The following PCCA variants were observed in gnomAD, a reference collection of about 807,000 sequenced individuals.
The protein encoded by PCCA is propionyl-CoA carboxylase alpha chain, mitochondrial.
Under a neutral mutation model 101.3 loss-of-function variants are expected in PCCA, and 74 were observed. The ratio of observed to expected loss-of-function variants is 0.73; its 90% CI spans 0.61 to 0.89. PCCA has a LOEUF of 0.89. Ranked by LOEUF, PCCA falls within the 40% of genes least tolerant of loss-of-function variation. The pLI, the probability that PCCA is intolerant of heterozygous loss-of-function variation, is 0.00. For synonymous variants in PCCA, 294 were observed against 313.6 expected (o/e 0.94, Z 0.66); for missense variants, 891 against 907.0 (o/e 0.98, Z 0.23).
intron 4 of PCCA, among the ~76,000 whole-genome samples, chr13:100,126,071 AT>A (rs1442244193): frequency 6.6e-6 from 1 of 152,204 alleles, no homozygotes; most frequent in African/African-American, 2.4e-5. Context: ...ATCAAGAAGT[AT>A]GTTAAATGGC....
chr13:100,313,972 A>G lies in PCCA; in HGVS notation c.1429+4064A>G, dbSNP rs78716758. Among the ~76,000 whole-genome samples the G allele has an allele frequency of 5.9e-3, 894 of 152,192 alleles. 11 individuals are homozygous for G. Among genetic ancestry groups the G allele is most frequent in the African/African-American group, 0.013 (534 of 41,528 alleles). ...GTTTTTTAATCCCATCTGTGGCCCA[A>G]AGTTACACAGTGTCTTTGATTATGT... On this transcript the variant is annotated intron_variant, in intron 16 of 23. Transcript: ENST00000376285.
chr13:100,467,096 C>T (rs1467981507), intron 21 of PCCA, among the ~76,000 whole-genome samples: 2 of 152,112 alleles, frequency 1.3e-5, no homozygotes, highest in East Asian at 1.9e-4. Flanking sequence ...TGCAGTAACA[C>T]GGACAGGAAG....
intron 18 of PCCA, among the ~76,000 whole-genome samples, chr13:100,346,491 A>C (rs1369162326): frequency 6.6e-6 from 1 of 152,214 alleles, no homozygotes; most frequent in Non-Finnish European, 1.5e-5. Context: ...TGAGCAAAGA[A>C]ATTTTGCTTA....
rs142227028 is a variant in PCCA, at chr13:100,378,919, T to C, written c.1746+10345T>C. 2.7e-3 allele frequency among the ~76,000 whole-genome samples: 418 copies of C among 152,308 alleles called. 2 individuals carry two copies. Among genetic ancestry groups the C allele is most frequent in the African/African-American group, 9.7e-3 (402 of 41,562 alleles). On this transcript the variant is annotated intron_variant, in intron 19 of 23. Transcript: ENST00000376285. ...AAAATTTTTAGTTATTTTTCTGGAATGTGAATTTCTTTTGGATGGGATCTG... is the reference window on the plus strand; with the variant it reads ...AAAATTTTTAGTTATTTTTCTGGAACGTGAATTTCTTTTGGATGGGATCTG...
chr13:100,213,846 G>A (rs1472749966), intron 7 of PCCA, among the ~76,000 whole-genome samples: 1 of 152,062 alleles, frequency 6.6e-6, no homozygotes, highest in African/African-American at 2.4e-5. Flanking sequence ...TTTTCTTTTG[G>A]TAGTTTCATA....
At chr13:100,514,093 G>C (rs928808184) in intron 21 of PCCA, among the ~76,000 whole-genome samples, 18 of 152,168 alleles carry the variant, frequency 1.2e-4, no homozygotes, top group Non-Finnish European at 5.9e-5. Flanking sequence ...TGACTCAGAT[G>C]AATTTTAATA....
chr13:100,516,736 CGTGTGTGTGTGT>C (rs3840000), intron 22 of PCCA, among the ~76,000 whole-genome samples: 3 of 144,972 alleles, frequency 2.1e-5, no homozygotes, highest in African/African-American at 7.6e-5. Flanking sequence ...AGAAAAATTA[CGTGTGTGTGTGT>C]GTGTGTGTGT....
At chr13:100,528,430 G>A (rs953946678) in intron 23 of PCCA, among the ~76,000 whole-genome samples, 2 of 152,228 alleles carry the variant, frequency 1.3e-5, no homozygotes, top group Non-Finnish European at 2.9e-5. Context: ...GATGGGAAGC[G>A]CAAGGCTGGC....
chr13:100,416,240 G>A (rs2078354608), intron 19 of PCCA, among the ~76,000 whole-genome samples: 1 of 151,810 alleles, frequency 6.6e-6, no homozygotes. Flanking sequence ...CCAGGCTGGA[G>A]TGCAGTGGCA....
chr13:100,393,315 T>C (rs1397279095), intron 19 of PCCA, among the ~76,000 whole-genome samples: 5 of 152,016 alleles, frequency 3.3e-5, no homozygotes, highest in Non-Finnish European at 7.4e-5. Context: ...TTTACCACTT[T>C]AAAGGCCAAA....
At chr13:100,117,661 A>G (rs991062560) in intron 4 of PCCA, among the ~76,000 whole-genome samples, 5 of 152,092 alleles carry the variant, frequency 3.3e-5, no homozygotes, top group Admixed American at 3.3e-4. Flanking sequence ...ATTAGGGGAA[A>G]TACCTAATGT....
At chr13:100,380,168 C>A (rs892585776) in intron 19 of PCCA, among the ~76,000 whole-genome samples, 7 of 152,062 alleles carry the variant, frequency 4.6e-5, no homozygotes, top group African/African-American at 1.4e-4. Flanking sequence ...TCGAGACCAG[C>A]CTGAGAAATA....
intron 21 of PCCA, among the ~76,000 whole-genome samples, chr13:100,489,178 A>G (rs903108663): frequency 5.7e-4 from 87 of 151,990 alleles, no homozygotes; most frequent in Admixed American, 1.7e-3. Flanking sequence ...CGTGGTGGCG[A>G]GCACCTGTAG....
intron 6 of PCCA, among the ~76,000 whole-genome samples, chr13:100,185,802 C>G (rs1033789959): frequency 6.6e-6 from 1 of 152,014 alleles, no homozygotes; most frequent in East Asian, 1.9e-4. Flanking sequence ...CATGTGCCAC[C>G]CCGCCTGACT....
intron 20 of PCCA, among the ~76,000 whole-genome samples, chr13:100,443,881 G>C (rs745701126): frequency 2.6e-5 from 4 of 152,198 alleles, no homozygotes; most frequent in Non-Finnish European, 5.9e-5. Context: ...CTGAATGATT[G>C]TAGTGGTGTT....
At chr13:100,407,269 C>A (rs951075526) in intron 19 of PCCA, among the ~76,000 whole-genome samples, 14 of 152,172 alleles carry the variant, frequency 9.2e-5, no homozygotes, top group African/African-American at 3.4e-4. Context: ...GTTAAATAAT[C>A]CTGTTTACCT....
intron 20 of PCCA, among the ~76,000 whole-genome samples, chr13:100,442,627 A>C (rs1226499919): frequency 6.6e-6 from 1 of 152,226 alleles, no homozygotes; most frequent in Non-Finnish European, 1.5e-5. Context: ...GACTCTGCAG[A>C]TAGAACAAGG....
At chr13:100,129,684 TCTGCCTC>T (rs2050301596) in intron 4 of PCCA, among the ~76,000 whole-genome samples, 1 of 152,212 alleles carries the variant, frequency 6.6e-6, no homozygotes, top group Non-Finnish European at 1.5e-5. Context: ...AAGCTGTGGT[TCTGCCTC>T]CCTAGGTCCA....
intron 6 of PCCA, among the ~76,000 whole-genome samples, chr13:100,200,290 T>G (rs1445081078): frequency 6.6e-6 from 1 of 151,994 alleles, no homozygotes; most frequent in African/African-American, 2.4e-5. Flanking sequence ...ATTTTTAGTA[T>G]AGATGGGGTT....
Sources: gnomAD v4.1 joint callset for allele counts (sites outside exome capture counted in the v4.1 genomes callset) on GRCh38, gnomAD v4.1.1 for gene constraint, MANE v1.5 for transcripts, NCBI Gene and HGNC (gene_info 2026-07-23, HGNC 2026-07-21) for gene names.